The following REPS1 variants were observed in gnomAD, a reference collection of about 807,000 sequenced individuals.
The protein encoded by REPS1 is ralBP1-associated Eps domain-containing protein 1.
A neutral mutation model predicts 100.9 loss-of-function variants in REPS1; 39 were observed. The observed-to-expected ratio is 0.39, with a 90% CI of 0.30 to 0.50. The LOEUF (loss-of-function observed/expected upper bound fraction) is 0.50. Ranked by LOEUF, REPS1 falls within the 20% of genes least tolerant of loss-of-function variation. The probability of loss-of-function intolerance (pLI) is 0.86; values close to 1 mark genes in which losing one functional copy is unlikely to be tolerated. For missense variants in REPS1, 821 were observed against 968.5 expected (o/e 0.85, Z 2.02); for synonymous variants, 324 against 340.3 (o/e 0.95, Z 0.53).
chr6:138,978,293 CTTT>C (rs548789057), intron 1 of REPS1, among the ~76,000 whole-genome samples: 1 of 142,284 alleles, frequency 7.0e-6, no homozygotes. Flanking sequence ...TTTTCCTTTT[CTTT>C]TTTTTTTTTT....
chr6:138,934,360 T>C (rs536814001), intron 8 of REPS1: 1 of 470,252 alleles, frequency 2.1e-6, no homozygotes, highest in Non-Finnish European at 4.4e-6. Flanking sequence ...AAATTATTCG[T>C]TAAAGTTAAC....
At position 138,903,987 on chromosome 6, in the gene REPS1, T is replaced by C. The variant is rs187735377; in HGVS notation, c.*1077A>G. On this transcript the variant is annotated 3_prime_UTR_variant, in exon 20 of 20. Transcript: ENST00000450536. Reference sequence around the variant, plus strand: ...CAAAATCTTCTATTTCTTAAAACTTTAAATCTTGTTAAAAAGATGAACAAA... The same window carrying C: ...CAAAATCTTCTATTTCTTAAAACTTCAAATCTTGTTAAAAAGATGAACAAA... 1.3e-5 allele frequency: 2 copies of C among 152,312 alleles called. No homozygotes were observed. Among genetic ancestry groups the C allele is most frequent in the Admixed American group, 1.3e-4 (2 of 15,300 alleles). The allele number at this position is 152,312 out of a possible 1,614,324, so 9.4% of individuals were successfully genotyped here. A position where few individuals can be genotyped will look rare whatever the true frequency, so the allele number is the denominator to read the frequency against.
At chr6:138,919,083 C>A (rs1004217995) in intron 12 of REPS1, among the ~76,000 whole-genome samples, 3 of 152,160 alleles carry the variant, frequency 2.0e-5, no homozygotes, top group Non-Finnish European at 4.4e-5. Context: ...GCATATGAAA[C>A]TGAACTTGAT....
intron 12 of REPS1, among the ~76,000 whole-genome samples, chr6:138,918,413 C>A (rs1780548084): frequency 6.6e-6 from 1 of 152,090 alleles, no homozygotes; most frequent in Non-Finnish European, 1.5e-5. Context: ...GTCCTGGAAC[C>A]AATTCCCTAA....
At chr6:138,941,716 G>C (rs753751366) in intron 7 of REPS1, among the ~76,000 whole-genome samples, 3 of 152,194 alleles carry the variant, frequency 2.0e-5, no homozygotes, top group Admixed American at 2.0e-4. Context: ...AAGCTTTCCT[G>C]TGTGTTTGAA....
chr6:138,936,136 A>G (rs1582772151), intron 8 of REPS1, among the ~76,000 whole-genome samples: 1 of 152,144 alleles, frequency 6.6e-6, no homozygotes, highest in African/African-American at 2.4e-5. Flanking sequence ...TACAAAAAAT[A>G]ATTATGAGTA....
intron 1 of REPS1, among the ~76,000 whole-genome samples, chr6:138,963,839 C>A (rs949597400): frequency 6.6e-6 from 1 of 152,150 alleles, no homozygotes; most frequent in Non-Finnish European, 1.5e-5. Context: ...AACTTCATTT[C>A]AATACTTAGC....
At chr6:138,913,581 A>T (rs1403014487) in intron 15 of REPS1, among the ~76,000 whole-genome samples, 1 of 152,246 alleles carries the variant, frequency 6.6e-6, no homozygotes, top group Non-Finnish European at 1.5e-5. Flanking sequence ...ATAAGAAATT[A>T]AAATAGAGTG....
In REPS1 at chr6:138,912,931, T is replaced by C. The variant is rs1562512539; in HGVS notation, c.1805A>G (p.His602Arg). ...GAGGCCATCGGCATCCACTGGGCGA[T>C]GCACAGCAGGACCAGGAGCCTGTGC... ...QPSQAPGPAV[H>R]RPVDADGLIT... Residue 602 changes from histidine (H) to arginine (R), a missense_variant, in exon 16 of 20, where the codon CAT becomes CGT. His to Arg is a conservative substitution (Grantham distance 29, BLOSUM62 0). Transcript: ENST00000450536. 5 of 1,613,784 alleles carry C rather than the reference T, an allele frequency of 3.1e-6. No individual in the cohort carries two copies. Among genetic ancestry groups the C allele is most frequent in the East Asian group, 2.2e-5 (1 of 44,894 alleles).
chr6:138,905,299 T>G (rs1297851023), intron 19 of REPS1, among the ~76,000 whole-genome samples, 167 bp from the exon 20 acceptor site: 3 of 152,274 alleles, frequency 2.0e-5, no homozygotes, highest in Non-Finnish European at 1.5e-5. Context: ...AGTTTCTTTT[T>G]TTTGAGACGG....
Position 138,914,774 on chromosome 6 carries a change from A to T in REPS1, c.1721-13T>A. Reference sequence around the variant, plus strand: ...GCCTGTTGTTGTCCTGCATGAATACAAAAGTTCTTCTTTTTAGTAACTGTA... The same window carrying T: ...GCCTGTTGTTGTCCTGCATGAATACTAAAGTTCTTCTTTTTAGTAACTGTA... On this transcript the variant is annotated splice_polypyrimidine_tract_variant and intron_variant, in intron 14 of 19. Coordinates refer to ENST00000450536, the MANE Select transcript of REPS1 (RefSeq NM_001286611.2). The T allele has an allele frequency of 1.2e-6, 2 of 1,607,378 alleles. No individual in the cohort carries two copies. Among genetic ancestry groups the T allele is most frequent in the Non-Finnish European group, 1.7e-6 (2 of 1,177,996 alleles).
At chr6:138,905,447 G>A (rs1323859098) in intron 19 of REPS1, among the ~76,000 whole-genome samples, 9 of 146,862 alleles carry the variant, frequency 6.1e-5, no homozygotes, top group Non-Finnish European at 1.1e-4. Flanking sequence ...GCCCGCCACC[G>A]CGCCCGGCTA....
At position 138,920,305 on chromosome 6, in the gene REPS1, G is replaced by A; in HGVS notation, c.1438C>T (p.Pro480Ser). 1 of 1,554,490 alleles carries A rather than the reference G, an allele frequency of 6.4e-7. No homozygotes were observed. The highest frequency in any genetic ancestry group is 8.9e-7 in the Non-Finnish European group (1 of 1,126,120). Reference protein sequence around the residue: ...LKRTGSDHTNPTSPLLVKPSD... With the variant: ...LKRTGSDHTNSTSPLLVKPSD... ...GGTTTCACAAGTAATGGGCTAGTGG[G>A]ATTTGTATGATCTAATAGAGAATTA... The change falls in exon 12 of 20, where the codon CCC becomes TCC. Residue 480 changes from proline to serine, a missense_variant. By Grantham distance (74) the Pro-to-Ser change is moderately conservative. Transcript: ENST00000450536.
intron 5 of REPS1, among the ~76,000 whole-genome samples, chr6:138,944,236 A>C (rs999072099): frequency 1.3e-5 from 2 of 152,248 alleles, no homozygotes; most frequent in Non-Finnish European, 2.9e-5. Flanking sequence ...GAAAGTTATG[A>C]AAATGTGCTA....
chr6:138,930,745 AG>A (rs1229586896), intron 8 of REPS1, among the ~76,000 whole-genome samples: 1 of 152,160 alleles, frequency 6.6e-6, no homozygotes, highest in African/African-American at 2.4e-5. Context: ...CATACTTGCA[AG>A]GCACAAAGCA....
chr6:138,975,531 A>C (rs1006986346), intron 1 of REPS1, among the ~76,000 whole-genome samples: 1 of 152,176 alleles, frequency 6.6e-6, no homozygotes, highest in African/African-American at 2.4e-5. Context: ...GAGTGAGTGA[A>C]ACTTACTTGA....
At chr6:138,913,878 C>G (rs1780182963) in intron 15 of REPS1, among the ~76,000 whole-genome samples, 1 of 152,186 alleles carries the variant, frequency 6.6e-6, no homozygotes, top group Non-Finnish European at 1.5e-5. Context: ...TCTTTCAAGT[C>G]CCTGCTAAGT....
Position 138,941,059 on chromosome 6 carries a change from A to G in REPS1, c.1135+276T>C, listed in dbSNP as rs564250390. Among the ~76,000 whole-genome samples the G allele has an allele frequency of 6.0e-4, 91 of 152,370 alleles. 1 individual carries two copies. Among genetic ancestry groups the G allele is most frequent in the African/African-American group, 2.0e-3 (85 of 41,592 alleles). Reference sequence around the variant, plus strand: ...TATATCACAATTAAAGGATGGCAAAATAACAAGACACTGAAATGCTCTTCA... The same window carrying G: ...TATATCACAATTAAAGGATGGCAAAGTAACAAGACACTGAAATGCTCTTCA... On this transcript the variant is annotated intron_variant, in intron 8 of 19. Transcript: ENST00000450536.
intron 1 of REPS1, among the ~76,000 whole-genome samples, chr6:138,953,764 C>A (rs1047094575): frequency 1.1e-4 from 16 of 151,378 alleles, no homozygotes; most frequent in African/African-American, 3.9e-4. Context: ...CTAGTTATAA[C>A]CACTATGGAG....
Sources: allele counts gnomAD v4.1 joint callset (sites outside exome capture counted in the v4.1 genomes callset), GRCh38; gene constraint gnomAD v4.1.1; transcripts MANE v1.5; gene names NCBI Gene and HGNC (gene_info 2026-07-23, HGNC 2026-07-21).